The following ANKS1B variants were observed in gnomAD, a reference collection of about 807,000 sequenced individuals.
ANKS1B encodes ankyrin repeat and sterile alpha motif domain-containing protein 1B.
Under a neutral mutation model 148.3 loss-of-function variants are expected in ANKS1B, and 36 were observed. That is an observed-to-expected ratio of 0.24 (90% confidence interval 0.19 to 0.32). The LOEUF (loss-of-function observed/expected upper bound fraction) is 0.32. Ranked by LOEUF, ANKS1B falls within the 10% of genes least tolerant of loss-of-function variation. ANKS1B has a pLI of 1.00. For missense variants in ANKS1B, 1,157 were observed against 1,542.6 expected (o/e 0.75, Z 4.19); for synonymous variants, 542 against 560.8 (o/e 0.97, Z 0.47).
At chr12:99,528,821 T>C (rs1386228701) in intron 9 of ANKS1B, among the ~76,000 whole-genome samples, 1 of 152,196 alleles carries the variant, frequency 6.6e-6, no homozygotes, top group Non-Finnish European at 1.5e-5. Flanking sequence ...GAAAAAAGTA[T>C]GCACTCAAAT....
rs377137401 is a variant in ANKS1B, at chr12:99,483,395, T to C, written c.1438+21081A>G. Among the ~76,000 whole-genome samples the C allele has an allele frequency of 5.3e-5, 8 of 152,076 alleles. No homozygotes were observed. In the South Asian group the frequency reaches 8.3e-4, roughly 16 times the overall value. ...ATCTTTTTGATGTGCTGGATTTGGT[T>C]AGCTAGTATTTTGTTCAGGATTTTT... On this transcript the variant is annotated intron_variant, in intron 10 of 26. Coordinates refer to ENST00000683438, the MANE Select transcript of ANKS1B (RefSeq NM_001352186.2).
chr12:99,439,799 TATATGAAAAC>T (rs1285586172), intron 11 of ANKS1B, among the ~76,000 whole-genome samples: 2 of 151,816 alleles, frequency 1.3e-5, no homozygotes, highest in Admixed American at 1.3e-4. Context: ...CTTATTTATC[TATATGAAAAC>T]ATATGTTTAT....
At chr12:99,929,629 A>G (rs2094562096) in intron 1 of ANKS1B, among the ~76,000 whole-genome samples, 2 of 152,218 alleles carry the variant, frequency 1.3e-5, no homozygotes, top group Admixed American at 1.3e-4. Context: ...TTATGGTTTT[A>G]GGTCTAACAT....
chr12:99,216,437 G>A (rs11109762), intron 14 of ANKS1B, among the ~76,000 whole-genome samples: 13,275 of 152,148 alleles, frequency 0.087, 1,318 homozygotes, highest in African/African-American at 0.25. Context: ...TTGTTAAAAC[G>A]TTATAAACAT....
At chr12:98,861,333 A>G (rs2099598268) in intron 17 of ANKS1B, among the ~76,000 whole-genome samples, 1 of 152,200 alleles carries the variant, frequency 6.6e-6, no homozygotes, top group South Asian at 2.1e-4. Flanking sequence ...AGTTTCTGAT[A>G]TAAAGAGAAA....
At chr12:99,513,836 A>C (rs1396987339) in intron 9 of ANKS1B, among the ~76,000 whole-genome samples, 3 of 152,030 alleles carry the variant, frequency 2.0e-5, no homozygotes, top group African/African-American at 4.8e-5. Context: ...CCTCTCTTCT[A>C]ATCAATTCAT....
At chr12:98,797,288 T>C (rs1055955170) in intron 22 of ANKS1B, among the ~76,000 whole-genome samples, 1 of 152,188 alleles carries the variant, frequency 6.6e-6, no homozygotes, top group African/African-American at 2.4e-5. Flanking sequence ...ATGTAGTGGT[T>C]AAAAGCCTGG....
intron 22 of ANKS1B, among the ~76,000 whole-genome samples, chr12:98,793,252 T>C (rs1390908318): frequency 6.6e-6 from 1 of 152,252 alleles, no homozygotes; most frequent in Non-Finnish European, 1.5e-5. Context: ...ATATTGAGCA[T>C]TTTTTCATAT....
intron 8 of ANKS1B, among the ~76,000 whole-genome samples, chr12:99,666,059 T>C (rs1215044856): frequency 1.3e-5 from 2 of 152,220 alleles, no homozygotes; most frequent in Non-Finnish European, 2.9e-5. Context: ...GTCAGCCCCA[T>C]TACTTGAAAA....
intron 17 of ANKS1B, among the ~76,000 whole-genome samples, chr12:99,008,996 C>T (rs2099937752): frequency 6.6e-6 from 1 of 152,168 alleles, no homozygotes; most frequent in Non-Finnish European, 1.5e-5. Context: ...ATGCTGGAGC[C>T]TGCATGGGCT....
At chr12:99,047,188 T>C (rs989932297) in intron 17 of ANKS1B, among the ~76,000 whole-genome samples, 1 of 152,106 alleles carries the variant, frequency 6.6e-6, no homozygotes, top group Non-Finnish European at 1.5e-5. Flanking sequence ...TCACTTGAGG[T>C]CAGGAGTTCA....
At chr12:98,862,528 G>A (rs906424432) in intron 17 of ANKS1B, among the ~76,000 whole-genome samples, 2 of 152,046 alleles carry the variant, frequency 1.3e-5, no homozygotes, top group African/African-American at 4.8e-5. Context: ...CATGAGTAGC[G>A]GGGTCTCAGC....
At chr12:98,840,435 G>A (rs1400372375) in intron 17 of ANKS1B, among the ~76,000 whole-genome samples, 1 of 152,148 alleles carries the variant, frequency 6.6e-6, no homozygotes, top group Non-Finnish European at 1.5e-5. Context: ...CCTATGGAAA[G>A]GAAAAGAGGT....
chr12:99,792,524 G>A (rs2065782299), intron 4 of ANKS1B, among the ~76,000 whole-genome samples: 1 of 151,536 alleles, frequency 6.6e-6, no homozygotes, highest in African/African-American at 2.4e-5. Context: ...CAACAAATTA[G>A]GATTTATCCC....
intron 10 of ANKS1B, among the ~76,000 whole-genome samples, chr12:99,449,313 A>G (rs941088509): frequency 1.3e-5 from 2 of 152,134 alleles, no homozygotes; most frequent in East Asian, 1.9e-4. Context: ...TTCATCATCA[A>G]TTCTGTGTTG....
In ANKS1B at chr12:98,941,060, T is replaced by C. The variant is rs573170774; in HGVS notation, c.2779-108924A>G. Among the ~76,000 whole-genome samples, 3 of 152,314 alleles carry C rather than the reference T, an allele frequency of 2.0e-5. No individual in the cohort carries two copies. In the South Asian group the frequency reaches 6.2e-4, roughly 32 times the overall value. ...ATTGCAAATACTGAATGATTGCACC[T>C]AGGGGAAATACAGAGTTAGGCTCCT... is the stretch of plus-strand genomic sequence containing the variant. On this transcript the variant is annotated intron_variant, in intron 17 of 26. Transcript: ENST00000683438.
At chr12:99,652,225 CA>C (rs778015471) in intron 9 of ANKS1B, among the ~76,000 whole-genome samples, 5 of 152,020 alleles carry the variant, frequency 3.3e-5, no homozygotes, top group Non-Finnish European at 7.4e-5. Context: ...GTAATACCAG[CA>C]CTTTGGGAAG....
At chr12:99,290,849 T>G (rs181997767) in intron 12 of ANKS1B, among the ~76,000 whole-genome samples, 220 of 152,042 alleles carry the variant, frequency 1.4e-3, no homozygotes, top group African/African-American at 5.2e-3. Context: ...AACTCTTCAG[T>G]TTTGAAGATC....
intron 24 of ANKS1B, among the ~76,000 whole-genome samples, chr12:98,777,229 C>G (rs2153498827): frequency 6.6e-6 from 1 of 152,284 alleles, no homozygotes; most frequent in South Asian, 2.1e-4. Flanking sequence ...CCCCAAACAA[C>G]AGGCACTTGT....
Sources: gnomAD v4.1 joint callset for allele counts (sites outside exome capture counted in the v4.1 genomes callset) on GRCh38, gnomAD v4.1.1 for gene constraint, MANE v1.5 for transcripts, NCBI Gene and HGNC (gene_info 2026-07-23, HGNC 2026-07-21) for gene names.